The following PLPPR5 variants were observed in gnomAD, a reference collection of about 807,000 sequenced individuals.
PLPPR5 encodes phospholipid phosphatase related 5.
Under a neutral mutation model 33.9 loss-of-function variants are expected in PLPPR5, and 16 were observed. That is an observed-to-expected ratio of 0.47 (90% CI 0.32 to 0.72). The LOEUF (loss-of-function observed/expected upper bound fraction) is 0.72, where lower values mean the gene tolerates loss of function less well. Among genes scored for constraint, PLPPR5 ranks in the 30% least tolerant of loss-of-function variants. The pLI, the probability that PLPPR5 is intolerant of heterozygous loss-of-function variation, is 0.03. For missense variants in PLPPR5, 301 were observed against 406.7 expected (o/e 0.74, Z 2.23); for synonymous variants, 163 against 150.3 (o/e 1.08, Z -0.62).
At chr1:98,904,758 T>A (rs192424752) in intron 5 of PLPPR5, among the ~76,000 whole-genome samples, 1 of 152,240 alleles carries the variant, frequency 6.6e-6, no homozygotes, top group African/African-American at 2.4e-5. Flanking sequence ...CTGGAAGGAC[T>A]GCCAATGCAC....
At chr1:98,906,979 AC>A (rs1374213690) in intron 5 of PLPPR5, among the ~76,000 whole-genome samples, 2 of 151,978 alleles carry the variant, frequency 1.3e-5, no homozygotes, top group Non-Finnish European at 2.9e-5. Flanking sequence ...TTATTATAAA[AC>A]CTGTCAGTAA....
At chr1:98,985,639 C>T (rs1000624906) in intron 1 of PLPPR5, among the ~76,000 whole-genome samples, 1 of 151,898 alleles carries the variant, frequency 6.6e-6, no homozygotes, top group African/African-American at 2.4e-5. Context: ...TACAGGTGTA[C>T]CATTTTTTAA....
At chr1:98,983,109 TAA>T (rs1167920408) in intron 1 of PLPPR5, among the ~76,000 whole-genome samples, 1 of 151,622 alleles carries the variant, frequency 6.6e-6, no homozygotes, top group Non-Finnish European at 1.5e-5. Context: ...TATTATACTT[TAA>T]GTTTTAGGGT....
intron 1 of PLPPR5, among the ~76,000 whole-genome samples, chr1:98,974,742 G>T (rs1651784506): frequency 6.6e-6 from 1 of 151,996 alleles, no homozygotes; most frequent in African/African-American, 2.4e-5. Context: ...GTATATTCTG[G>T]CCTATATTTG....
intron 5 of PLPPR5, among the ~76,000 whole-genome samples, chr1:98,898,435 A>G (rs1648564195): frequency 6.6e-6 from 1 of 152,132 alleles, no homozygotes; most frequent in Non-Finnish European, 1.5e-5. Context: ...TAACGCATTC[A>G]CTTGCTTCAT....
At chr1:98,995,035 A>G (rs1372109928) in intron 1 of PLPPR5, among the ~76,000 whole-genome samples, 1 of 152,142 alleles carries the variant, frequency 6.6e-6, no homozygotes, top group Non-Finnish European at 1.5e-5. Flanking sequence ...AAAAAAGGGA[A>G]TGCTTATATT....
intron 5 of PLPPR5, among the ~76,000 whole-genome samples, chr1:98,897,666 C>A (rs1278147357): frequency 1.3e-5 from 2 of 152,128 alleles, no homozygotes; most frequent in Admixed American, 6.6e-5. Flanking sequence ...GTCTCTGACT[C>A]TGTTGCTGCG....
chr1:98,971,728 C>A (rs770416551), intron 1 of PLPPR5, among the ~76,000 whole-genome samples: 1 of 152,012 alleles, frequency 6.6e-6, no homozygotes, highest in Non-Finnish European at 1.5e-5. Context: ...AGCTGCAAGC[C>A]CCCTGGCACC....
intron 1 of PLPPR5, among the ~76,000 whole-genome samples, chr1:98,992,392 C>G (rs1435509464): frequency 6.6e-6 from 1 of 152,102 alleles, no homozygotes; most frequent in Non-Finnish European, 1.5e-5. Context: ...TAAATTTATA[C>G]CACTGAATAT....
Position 98,927,026 on chromosome 1 carries a change from C to T in PLPPR5, c.622-4968G>A, listed in dbSNP as rs146899422. Among the ~76,000 whole-genome samples, 7 of 152,220 alleles carry T rather than the reference C, an allele frequency of 4.6e-5. No homozygotes were observed. The East Asian group carries it at 1.4e-3, about 29-fold the overall frequency. On this transcript the variant is annotated intron_variant, in intron 3 of 5. Transcript: ENST00000263177. ...ATGGTGGAAAGACCATGGACTTTGC[C>T]AGACAGACCTGTGTTCACTTAATTC...
rs139315177 is a variant in PLPPR5, at chr1:98,951,296, T to C, written c.621+1774A>G. 2.7e-3 allele frequency among the ~76,000 whole-genome samples: 406 copies of C among 152,310 alleles called. 3 individuals are homozygous for C. The highest frequency in any genetic ancestry group is 9.3e-3 in the African/African-American group (388 of 41,572). ...AAGAGATTTCTTGAATAGGAAAGAA[T>C]ATGCATGGGCTACCATACCTCATAT... On this transcript the variant is annotated intron_variant, in intron 3 of 5. Coordinates refer to ENST00000263177, the MANE Select transcript of PLPPR5 (RefSeq NM_001037317.2).
Position 98,971,017 on chromosome 1 carries a change from G to T in PLPPR5, c.238-14276C>A, listed in dbSNP as rs541988404. ...AAAATGCTTGATAAACCAATAAGAT[G>T]CTCTAATAAACAGTGACATTTATTC... On this transcript the variant is annotated intron_variant, in intron 1 of 5. Transcript: ENST00000263177. Among the ~76,000 whole-genome samples, 3 of 152,108 alleles carry T rather than the reference G, an allele frequency of 2.0e-5. No homozygotes were observed. The East Asian group carries it at 5.8e-4, about 29-fold the overall frequency.
At chr1:98,986,937 TTTTC>T (rs1163550439) in intron 1 of PLPPR5, among the ~76,000 whole-genome samples, 2 of 151,822 alleles carry the variant, frequency 1.3e-5, no homozygotes, top group African/African-American at 4.8e-5. Flanking sequence ...ATGCTTCAAA[TTTTC>T]TTTATTAGTT....
At chr1:98,906,019 C>G (rs183152994) in intron 5 of PLPPR5, among the ~76,000 whole-genome samples, 150 of 152,130 alleles carry the variant, frequency 9.9e-4, no homozygotes, top group African/African-American at 3.5e-3. Flanking sequence ...AGCATGCTAT[C>G]AGCCTTGGGT....
At chr1:98,919,686 A>C (rs1470939204) in intron 4 of PLPPR5, among the ~76,000 whole-genome samples, 1 of 152,128 alleles carries the variant, frequency 6.6e-6, no homozygotes, top group East Asian at 1.9e-4. Context: ...AATTTGCACC[A>C]TCCTGTTTCC....
chr1:98,977,864 G>T (rs1470604928), intron 1 of PLPPR5, among the ~76,000 whole-genome samples: 1 of 151,720 alleles, frequency 6.6e-6, no homozygotes, highest in African/African-American at 2.4e-5. Flanking sequence ...AGAAAAGAAG[G>T]TTTTCAATCA....
chr1:98,988,544 C>T (rs960366849), intron 1 of PLPPR5, among the ~76,000 whole-genome samples: 3 of 152,042 alleles, frequency 2.0e-5, no homozygotes, highest in African/African-American at 7.2e-5. Context: ...ACAAGATCTG[C>T]TTTGTTCCTG....
chr1:98,959,360 T>C (rs1279873209), intron 1 of PLPPR5, among the ~76,000 whole-genome samples: 2 of 152,236 alleles, frequency 1.3e-5, no homozygotes, highest in Admixed American at 6.5e-5. Context: ...ATTTGTGTCC[T>C]GAGCATTTCT....
At chr1:98,946,688 C>T (rs1181638462) in intron 3 of PLPPR5, among the ~76,000 whole-genome samples, 1 of 152,120 alleles carries the variant, frequency 6.6e-6, no homozygotes, top group Non-Finnish European at 1.5e-5. Context: ...TTGGGTGGGA[C>T]TCATCATTAC....
Sources: allele counts gnomAD v4.1 joint callset (sites outside exome capture counted in the v4.1 genomes callset), GRCh38; gene constraint gnomAD v4.1.1; transcripts MANE v1.5; gene names NCBI Gene and HGNC (gene_info 2026-07-23, HGNC 2026-07-21).